Variants in FRMD4B observed in about 807,000 individuals in gnomAD.
The protein encoded by FRMD4B is FERM domain containing 4B.
FRMD4B carries 74 observed loss-of-function variants against 141.5 expected under a neutral mutation model. That is an observed-to-expected ratio of 0.52 (90% CI 0.43 to 0.63). The LOEUF (loss-of-function observed/expected upper bound fraction) is 0.63. Among genes scored for constraint, FRMD4B ranks in the 30% least tolerant of loss-of-function variants. The probability of loss-of-function intolerance (pLI) is 0.00; values close to 1 mark genes in which losing one functional copy is unlikely to be tolerated. For missense variants in FRMD4B, 1,366 were observed against 1,253.4 expected (o/e 1.09, Z -1.36); for synonymous variants, 506 against 467.9 (o/e 1.08, Z -1.05).
Position 69,176,568 on chromosome 3 carries a change from G to C in FRMD4B, c.2940C>G (p.Thr980=). ...GATTATAGACATTGCCATAGCAGCTGGTGTAAGAAGAATGTGCTGGAGTCT... is the reference window on the plus strand; with the variant it reads ...GATTATAGACATTGCCATAGCAGCTCGTGTAAGAAGAATGTGCTGGAGTCT... ...DYETPAHSSY[T]SCYGNVYNPL... The change falls in exon 22 of 23, where the codon ACC becomes ACG. Residue 980 remains threonine (T), a synonymous_variant. Transcript: ENST00000398540. 6.2e-7 allele frequency: 1 copy of C among 1,611,548 alleles called. No individual in the cohort carries two copies. Among genetic ancestry groups the C allele is most frequent in the African/African-American group, 1.3e-5 (1 of 74,972 alleles).
intron 1 of FRMD4B, among the ~76,000 whole-genome samples, chr3:69,474,987 G>C (rs1284923931): frequency 6.6e-6 from 1 of 152,130 alleles, no homozygotes; most frequent in Non-Finnish European, 1.5e-5. Flanking sequence ...GAATGTGTTT[G>C]AGGGAAAAAG....
chr3:69,454,532 C>A (rs1292059879), intron 1 of FRMD4B, among the ~76,000 whole-genome samples: 5 of 152,136 alleles, frequency 3.3e-5, no homozygotes, highest in African/African-American at 7.2e-5. Context: ...GCACTCCCAG[C>A]AGCTGGCCGG....
intron 1 of FRMD4B, among the ~76,000 whole-genome samples, chr3:69,469,951 T>A (rs1176436593): frequency 2.0e-5 from 3 of 152,168 alleles, no homozygotes; most frequent in African/African-American, 7.2e-5. Flanking sequence ...ATGTTTCAGA[T>A]TAACAGCAGT....
intron 1 of FRMD4B, among the ~76,000 whole-genome samples, chr3:69,454,468 C>T (rs562844172): frequency 3.3e-5 from 5 of 152,306 alleles, no homozygotes; most frequent in South Asian, 2.1e-4. Context: ...CAGGGCTGTG[C>T]GCCACACTCA....
intron 2 of FRMD4B, among the ~76,000 whole-genome samples, chr3:69,312,407 G>C (rs1381447454): frequency 6.6e-6 from 1 of 152,216 alleles, no homozygotes; most frequent in Non-Finnish European, 1.5e-5. Context: ...ACTGTTGACT[G>C]TACTATTTCA....
chr3:69,502,932 A>T (rs979701862), intron 1 of FRMD4B, among the ~76,000 whole-genome samples: 1 of 152,242 alleles, frequency 6.6e-6, no homozygotes, highest in African/African-American at 2.4e-5. Flanking sequence ...ACACATGAAA[A>T]AATGCTCATC....
rs1704743995 is a variant in FRMD4B at position 69,410,731 on chromosome 3, ATATATATATATAT to A, written c.-1+21890_-1+21902del. Among the ~76,000 whole-genome samples, 355 of 81,462 alleles carry A rather than the reference ATATATATATATAT, an allele frequency of 4.4e-3. 3 individuals are homozygous for A. Among genetic ancestry groups the A allele is most frequent in the Non-Finnish European group, 6.1e-3 (228 of 37,538 alleles). 53.4% of individuals were successfully genotyped at this position (81,462 alleles called of 152,430 possible). ...TATAAATAAATAAATAAATAAATAT[ATATATATATATAT>A]ATATATATATATATATATATATATA... On this transcript the variant is annotated intron_variant, in intron 2 of 5. Transcript: ENST00000459638.
chr3:69,211,041 G>GA (rs1338652109), intron 11 of FRMD4B, among the ~76,000 whole-genome samples: 3 of 61,252 alleles, frequency 4.9e-5, no homozygotes, highest in African/African-American at 1.6e-4. Flanking sequence ...AAAAAAAAAA[G>GA]AAAGAAAATT....
At chr3:69,464,538 T>A (rs1200568432) in intron 1 of FRMD4B, among the ~76,000 whole-genome samples, 1 of 152,194 alleles carries the variant, frequency 6.6e-6, no homozygotes. Context: ...CATGTGATAC[T>A]CAGTATGCAA....
At chr3:69,187,571 ATATATATATG>A (rs1274732708) in intron 19 of FRMD4B, among the ~76,000 whole-genome samples, 189 bp downstream of exon 19, 14 of 146,816 alleles carry the variant, frequency 9.5e-5, no homozygotes, top group African/African-American at 1.5e-4. Flanking sequence ...ATATATACAT[ATATATATATG>A]TATATATATG....
At chr3:69,360,440 T>A (rs1703440330) in intron 1 of FRMD4B, among the ~76,000 whole-genome samples, 1 of 152,202 alleles carries the variant, frequency 6.6e-6, no homozygotes, top group Non-Finnish European at 1.5e-5. Flanking sequence ...AGTCTTCAAA[T>A]ATCCAATTAT....
At chr3:69,329,516 ATTTTT>A (rs10554375) in intron 1 of FRMD4B, among the ~76,000 whole-genome samples, 35 of 55,568 alleles carry the variant, frequency 6.3e-4, no homozygotes, top group African/African-American at 1.7e-3. Context: ...TGCCCAGCTA[ATTTTT>A]TTTTTTTTTT....
chr3:69,207,282 G>A (rs766001175), intron 11 of FRMD4B, among the ~76,000 whole-genome samples: 5 of 143,866 alleles, frequency 3.5e-5, no homozygotes, highest in Non-Finnish European at 6.0e-5. Flanking sequence ...TCCAGCCTGG[G>A]CAACAGAGTT....
chr3:69,396,638 A>G lies in FRMD4B; in HGVS notation c.-1+35996T>C, dbSNP rs1342366686. ...TGAAGAAATGCAAATCAAAACCACA[A>G]TGATATACTACTTCACATCCATTAG... On this transcript the variant is annotated intron_variant, in intron 2 of 5. Coordinates refer to the FRMD4B transcript ENST00000459638. Among the ~76,000 whole-genome samples the G allele has an allele frequency of 5.3e-5, 8 of 152,214 alleles. No individual in the cohort carries two copies. The East Asian group carries it at 1.5e-3, about 29-fold the overall frequency.
chr3:69,386,560 G>A (rs1299609877), upstream of FRMD4B, among the ~76,000 whole-genome samples: 9 of 132,436 alleles, frequency 6.8e-5, no homozygotes. Context: ...CACAGATGCA[G>A]AAGAGAGAGA....
chr3:69,201,335 T>C (rs1322221102), intron 11 of FRMD4B, among the ~76,000 whole-genome samples: 1 of 152,160 alleles, frequency 6.6e-6, no homozygotes, highest in African/African-American at 2.4e-5. Flanking sequence ...CTTTTATTAA[T>C]AAAAATAGGA....
intron 1 of FRMD4B, among the ~76,000 whole-genome samples, chr3:69,446,248 G>C (rs943993627): frequency 3.9e-5 from 6 of 151,936 alleles, no homozygotes; most frequent in African/African-American, 1.5e-4. Context: ...AGCTGGTCTC[G>C]AACTCCTGAC....
intron 1 of FRMD4B, among the ~76,000 whole-genome samples, chr3:69,345,690 G>T (rs543341484): frequency 6.6e-6 from 1 of 152,214 alleles, no homozygotes. Flanking sequence ...TCGCTGTTCT[G>T]CAGCCTCTGC....
intron 7 of FRMD4B, among the ~76,000 whole-genome samples, chr3:69,235,986 T>A (rs1262031349): frequency 6.6e-6 from 1 of 152,220 alleles, no homozygotes; most frequent in African/African-American, 2.4e-5. Flanking sequence ...ATCATTATGG[T>A]AGCCACTGAT....
Sources: allele counts gnomAD v4.1 joint callset (sites outside exome capture counted in the v4.1 genomes callset), GRCh38; gene constraint gnomAD v4.1.1; transcripts MANE v1.5; gene names NCBI Gene and HGNC (gene_info 2026-07-23, HGNC 2026-07-21).